Variants in KIF13A observed in about 807,000 individuals in gnomAD.
KIF13A encodes kinesin family member 13A.
Under a neutral mutation model 212.2 loss-of-function variants are expected in KIF13A, and 79 were observed. The observed-to-expected ratio is 0.37, with a 90% CI of 0.31 to 0.45. The LOEUF (loss-of-function observed/expected upper bound fraction) is 0.45, where lower values mean the gene tolerates loss of function less well. Ranked by LOEUF, KIF13A falls within the 20% of genes least tolerant of loss-of-function variation. The pLI, the probability that KIF13A is intolerant of heterozygous loss-of-function variation, is 1.00. For missense variants in KIF13A, 1,901 were observed against 2,209.0 expected (o/e 0.86, Z 2.79); for synonymous variants, 789 against 808.6 (o/e 0.98, Z 0.41).
chr6:17,816,191 T>C lies in KIF13A; in HGVS notation c.2000+829A>G, dbSNP rs1321778435. On this transcript the variant is annotated intron_variant, in intron 17 of 38. Transcript: ENST00000259711. The surrounding 1 kb of genome is among the most constrained non-coding windows in gnomAD (Gnocchi z 4.3). ...CCTTGGCCTCCCAAAGTGCTGGGATTACAGGCCTGAGCCACCGCACCTGGC... is the reference window on the plus strand; with the variant it reads ...CCTTGGCCTCCCAAAGTGCTGGGATCACAGGCCTGAGCCACCGCACCTGGC... Among the ~76,000 whole-genome samples the C allele has an allele frequency of 6.6e-6, 1 of 151,924 alleles. No individual in the cohort carries two copies. Among genetic ancestry groups the C allele is most frequent in the Non-Finnish European group, 1.5e-5 (1 of 67,966 alleles).
intron 4 of KIF13A, among the ~76,000 whole-genome samples, chr6:17,865,590 G>A (rs1490809522): frequency 6.6e-6 from 1 of 152,194 alleles, no homozygotes; most frequent in Non-Finnish European, 1.5e-5. Context: ...AATCTTTGGT[G>A]TATGGAAGTG....
chr6:17,880,470 T>C (rs1004324630), intron 3 of KIF13A, among the ~76,000 whole-genome samples: 7 of 151,590 alleles, frequency 4.6e-5, no homozygotes, highest in Non-Finnish European at 8.8e-5. Flanking sequence ...CTACTAAAGA[T>C]ACAAAAAATT....
chr6:17,803,674 T>C (rs1012158338), intron 20 of KIF13A, among the ~76,000 whole-genome samples: 1 of 152,130 alleles, frequency 6.6e-6, no homozygotes, highest in Admixed American at 6.5e-5. Context: ...GAGTTGTATC[T>C]TACAAAGACC....
At chr6:17,889,680 C>G (rs1771867031) in intron 3 of KIF13A, among the ~76,000 whole-genome samples, 1 of 152,128 alleles carries the variant, frequency 6.6e-6, no homozygotes, top group Non-Finnish European at 1.5e-5. Flanking sequence ...TCCTTGGAGA[C>G]TGGTTCCAGG....
chr6:17,987,468 G>C lies in KIF13A; in HGVS notation c.-5C>G. ...TTTTACCTTGGTATCCGACATGTTG[G>C]CTGCGCTCGCCCGGCCGCTCGCCGC... On this transcript the variant is annotated 5_prime_UTR_variant, in exon 1 of 39. Transcript: ENST00000259711. The surrounding 1 kb of genome is among the most constrained non-coding windows in gnomAD (Gnocchi z 7.7). The C allele has an allele frequency of 7.7e-7, 1 of 1,298,190 alleles. No homozygotes were observed. Among genetic ancestry groups the C allele is most frequent in the Non-Finnish European group, 1.0e-6 (1 of 990,424 alleles). 80.4% of individuals were successfully genotyped at this position (1,298,190 alleles called of 1,614,324 possible).
chr6:17,864,083 T>C (rs1480371196), intron 4 of KIF13A, among the ~76,000 whole-genome samples: 1 of 152,196 alleles, frequency 6.6e-6, no homozygotes, highest in Non-Finnish European at 1.5e-5. Context: ...AAACGAAGGT[T>C]CGTTAAGTCC....
At chr6:17,827,237 G>A (rs1161578296) in intron 14 of KIF13A, among the ~76,000 whole-genome samples, 1 of 151,958 alleles carries the variant, frequency 6.6e-6, no homozygotes, top group African/African-American at 2.4e-5. Context: ...AGAGACTACA[G>A]GTGTGCACCA....
At chr6:17,848,504 G>A (rs929648077) in intron 9 of KIF13A, among the ~76,000 whole-genome samples, 1 of 148,104 alleles carries the variant, frequency 6.8e-6, no homozygotes, top group Admixed American at 6.7e-5. Flanking sequence ...TGGTATTTGT[G>A]CCATTTTTGA....
rs1323755945 is a variant in KIF13A at position 17,919,168 on chromosome 6, G to GT, written c.147-20989dup. ...CAAGTAAACATACATATAGTGCTGT[G>GT]TTTTTACAAATGCTTTAATAGTGAA... On this transcript the variant is annotated intron_variant, in intron 2 of 38. Transcript: ENST00000259711. The surrounding 1 kb of genome is among the most constrained non-coding windows in gnomAD (Gnocchi z 4.1). Among the ~76,000 whole-genome samples the GT allele has an allele frequency of 2.6e-5, 4 of 152,192 alleles. No homozygotes were observed. The highest frequency in any genetic ancestry group is 9.6e-5 in the African/African-American group (4 of 41,456).
At chr6:17,978,847 A>G (rs1780814215) in intron 2 of KIF13A, among the ~76,000 whole-genome samples, 1 of 152,364 alleles carries the variant, frequency 6.6e-6, no homozygotes, top group South Asian at 2.1e-4. Flanking sequence ...CACCACCGGA[A>G]GCTGAGTTAA....
rs76746462 is a variant in KIF13A at position 17,811,012 on chromosome 6, C to T, written c.2001-2082G>A. ...GACCCCTGTTCTAGACTACACGAAA[C>T]AGTTCTTTTGCAGTCTCCCAAATAC... On this transcript the variant is annotated intron_variant, in intron 17 of 38. Coordinates refer to ENST00000259711, the MANE Select transcript of KIF13A (RefSeq NM_022113.6). The surrounding 1 kb of genome is among the most constrained non-coding windows in gnomAD (Gnocchi z 6.0). Among the ~76,000 whole-genome samples the T allele has an allele frequency of 0.043, 6,526 of 152,240 alleles. 341 individuals are homozygous for T. Among genetic ancestry groups the T allele is most frequent in the African/African-American group, 0.12 (5,106 of 41,514 alleles).
At position 17,855,392 on chromosome 6, in the gene KIF13A, A is replaced by C; in HGVS notation, c.494+45T>G. 7.1e-7 allele frequency: 1 copy of C among 1,399,872 alleles called. No individual in the cohort carries two copies. Among genetic ancestry groups the C allele is most frequent in the Non-Finnish European group, 9.8e-7 (1 of 1,019,916 alleles). The allele number at this position is 1,399,872 out of a possible 1,614,324, so 86.7% of individuals were successfully genotyped here. A position where few individuals can be genotyped will look rare whatever the true frequency, so the allele number is the denominator to read the frequency against. ...AATTTTAACTTTAGAATCATTTAAA[A>C]TTATCTCCCCCTATTAACACACTTA... is the stretch of plus-strand genomic sequence containing the variant. On this transcript the variant is annotated intron_variant, in intron 6 of 38. Coordinates refer to ENST00000259711, the MANE Select transcript of KIF13A (RefSeq NM_022113.6). This position sits in a 1 kb window ranked among gnomAD's most constrained non-coding sequence, Gnocchi z 4.1.
chr6:17,938,198 A>G (rs919720982), intron 2 of KIF13A, among the ~76,000 whole-genome samples: 26 of 152,224 alleles, frequency 1.7e-4, no homozygotes, highest in African/African-American at 6.0e-4. Flanking sequence ...CCAGGCCTTT[A>G]GACTGCTATT....
At chr6:17,791,369 C>A (rs1581933452) in intron 25 of KIF13A, among the ~76,000 whole-genome samples, 1 of 135,738 alleles carries the variant, frequency 7.4e-6, no homozygotes, top group South Asian at 2.4e-4. Context: ...GAGAATAATT[C>A]TTTTTTTTTT....
intron 4 of KIF13A, among the ~76,000 whole-genome samples, chr6:17,858,756 G>C (rs2150410461): frequency 6.6e-6 from 1 of 152,144 alleles, no homozygotes; most frequent in South Asian, 2.1e-4. Context: ...CAGCTGATTG[G>C]AGCAATCCTG....
rs138871197 is a variant in KIF13A at position 17,832,595 on chromosome 6, G to A, written c.1267-1360C>T. ...GGAGGTTGCAGTGAGCCAAGATTGC[G>A]CCACTGCATTCCAGCCTGGGTGACA... On this transcript the variant is annotated intron_variant, in intron 12 of 38. Coordinates refer to ENST00000259711, the MANE Select transcript of KIF13A (RefSeq NM_022113.6). 2.9e-3 allele frequency among the ~76,000 whole-genome samples: 441 copies of A among 151,890 alleles called. 2 individuals carry two copies. Among genetic ancestry groups the A allele is most frequent in the Non-Finnish European group, 4.4e-3 (301 of 67,944 alleles).
rs555191765 is a variant in KIF13A at position 17,787,108 on chromosome 6, G to C, written c.3361+668C>G. Among the ~76,000 whole-genome samples the C allele has an allele frequency of 6.6e-6, 1 of 152,308 alleles. No individual in the cohort carries two copies. Among genetic ancestry groups the C allele is most frequent in the East Asian group, 1.9e-4 (1 of 5,190 alleles). On this transcript the variant is annotated intron_variant, in intron 27 of 38. Coordinates refer to ENST00000259711, the MANE Select transcript of KIF13A (RefSeq NM_022113.6). The surrounding 1 kb of genome is among the most constrained non-coding windows in gnomAD (Gnocchi z 4.6). ...GTGGATAGGTGCTGACCTGCTAAGC[G>C]GTTTGGTTTCAGAAGTGACCCTTCA... is the stretch of plus-strand genomic sequence containing the variant.
intron 4 of KIF13A, among the ~76,000 whole-genome samples, chr6:17,863,829 C>T (rs184384063): frequency 4.7e-4 from 71 of 152,180 alleles, no homozygotes; most frequent in Admixed American, 9.8e-4. Flanking sequence ...TTGTTCACTT[C>T]TATTTTTTAA....
In KIF13A at chr6:17,859,296, C is replaced by T. The variant is rs533958771; in HGVS notation, c.221-3174G>A. On this transcript the variant is annotated intron_variant, in intron 4 of 38. Transcript: ENST00000259711. The stretch of plus-strand genomic sequence containing the variant: ...AATAAATGAAATGATCAAAGAACTC[C>T]CCAGCATATAAAAATACAAGAGTAG... 4.0e-5 allele frequency among the ~76,000 whole-genome samples: 6 copies of T among 151,880 alleles called. No individual in the cohort carries two copies. In the South Asian group the frequency reaches 1.0e-3, roughly 26 times the overall value.
Sources: gnomAD v4.1 joint callset for allele counts (sites outside exome capture counted in the v4.1 genomes callset) on GRCh38, gnomAD v4.1.1 for gene constraint, Gnocchi (gnomAD v3.1) non-coding constraint, MANE v1.5 for transcripts, NCBI Gene and HGNC (gene_info 2026-07-23, HGNC 2026-07-21) for gene names.